TMEM117: variants seen among roughly 807,000 people sequenced by gnomAD.
The protein encoded by TMEM117 is transmembrane protein 117.
A neutral mutation model predicts 52.4 loss-of-function variants in TMEM117; 27 were observed. That is an observed-to-expected ratio of 0.51 (90% CI 0.38 to 0.71). TMEM117 has a LOEUF of 0.71. Among genes scored for constraint, TMEM117 ranks in the 30% least tolerant of loss-of-function variants. The pLI, the probability that TMEM117 is intolerant of heterozygous loss-of-function variation, is 0.00. For synonymous variants in TMEM117, 215 were observed against 206.3 expected (o/e 1.04, Z -0.36); for missense variants, 556 against 630.5 (o/e 0.88, Z 1.26).
At chr12:44,376,436 G>A (rs1434408470) in intron 6 of TMEM117, 159 bp from the exon 7 acceptor site, 4 of 830,146 alleles carry the variant, frequency 4.8e-6, no homozygotes, top group African/African-American at 1.7e-5. Context: ...GCTACCTAAT[G>A]TACATAAAAT....
intron 3 of TMEM117, among the ~76,000 whole-genome samples, chr12:44,127,641 A>G (rs976623761): frequency 6.6e-6 from 1 of 151,902 alleles, no homozygotes; most frequent in African/African-American, 2.4e-5. Context: ...GTGCCATTGC[A>G]CTCCAGCCTG....
chr12:44,076,905 G>C (rs1407201527), intron 3 of TMEM117, among the ~76,000 whole-genome samples: 2 of 152,150 alleles, frequency 1.3e-5, no homozygotes, highest in African/African-American at 4.8e-5. Flanking sequence ...CTATTGATTT[G>C]ACAGTTTGGG....
At chr12:44,040,014 T>A (rs994051445) in intron 3 of TMEM117, among the ~76,000 whole-genome samples, 1 of 152,160 alleles carries the variant, frequency 6.6e-6, no homozygotes, top group African/African-American at 2.4e-5. Flanking sequence ...AGTAAATGTT[T>A]AACAATAGGT....
intron 3 of TMEM117, among the ~76,000 whole-genome samples, chr12:43,972,394 T>C (rs1945603433): frequency 6.6e-6 from 1 of 152,134 alleles, no homozygotes; most frequent in South Asian, 2.1e-4. Context: ...GTGTTACAGC[T>C]CTTAAAGGTG....
chr12:43,839,253 C>G lies in TMEM117; in HGVS notation c.-29+3057C>G, dbSNP rs150058756. ...AAAATATTTTCAACCAGGAAACAGACAGGCCTTTCTGTCATATAAGTCAGA... is the reference window on the plus strand; with the variant it reads ...AAAATATTTTCAACCAGGAAACAGAGAGGCCTTTCTGTCATATAAGTCAGA... On this transcript the variant is annotated intron_variant, in intron 1 of 7. Coordinates refer to ENST00000266534, the MANE Select transcript of TMEM117 (RefSeq NM_032256.3). Among the ~76,000 whole-genome samples the G allele has an allele frequency of 1.9e-3, 287 of 152,240 alleles. 3 individuals are homozygous for G. The highest frequency in any genetic ancestry group is 6.5e-3 in the African/African-American group (272 of 41,530).
chr12:44,115,567 A>C (rs575962271), intron 3 of TMEM117, among the ~76,000 whole-genome samples: 1 of 151,880 alleles, frequency 6.6e-6, no homozygotes, highest in African/African-American at 2.4e-5. Flanking sequence ...AAGTCATATA[A>C]CTTGTTATTT....
intron 3 of TMEM117, among the ~76,000 whole-genome samples, chr12:44,121,308 T>C (rs1425478586): frequency 6.6e-6 from 1 of 152,138 alleles, no homozygotes; most frequent in East Asian, 1.9e-4. Flanking sequence ...ACCTAAAATC[T>C]GTAATAAATA....
Position 44,389,007 on chromosome 12 carries a change from T to C in TMEM117, c.*335T>C, listed in dbSNP as rs1359375694. The C allele has an allele frequency of 4.3e-6, 1 of 233,510 alleles. No homozygotes were observed. The highest frequency in any genetic ancestry group is 2.2e-5 in the African/African-American group (1 of 44,534). 14.5% of individuals were successfully genotyped at this position (233,510 alleles called of 1,614,324 possible). On this transcript the variant is annotated 3_prime_UTR_variant, in exon 8 of 8. Coordinates refer to ENST00000266534, the MANE Select transcript of TMEM117 (RefSeq NM_032256.3). ...CTTGAGACATTAAACTGTTTTTAAC[T>C]GTACCAGAAATGAAGTGTGGAACAG...
rs568941934 is a variant in TMEM117, at chr12:44,281,492, T to TGA, written c.609-18088_609-18087insGA. Among the ~76,000 whole-genome samples, 375 of 152,302 alleles carry TGA rather than the reference T, an allele frequency of 2.5e-3. 2 individuals carry two copies. The highest frequency in any genetic ancestry group is 6.8e-3 in the Middle Eastern group (2 of 294). On this transcript the variant is annotated intron_variant, in intron 5 of 7. Transcript: ENST00000266534. ...AGCCTTGATTTATGTAAACACTTTG[T>TGA]CTTCATCAAAGTCACAAAATTTTAT... is the stretch of plus-strand genomic sequence containing the variant.
intron 2 of TMEM117, among the ~76,000 whole-genome samples, chr12:43,909,938 C>G (rs901950579): frequency 1.5e-5 from 2 of 133,422 alleles, no homozygotes; most frequent in African/African-American, 5.2e-5. Context: ...GGTACCATTC[C>G]TTCTGAAACT....
intron 5 of TMEM117, among the ~76,000 whole-genome samples, chr12:44,255,335 A>G (rs993687789): frequency 6.6e-6 from 1 of 152,154 alleles, no homozygotes; most frequent in Non-Finnish European, 1.5e-5. Context: ...ATGAACAGAC[A>G]CTTCTCAAAA....
chr12:43,808,030 T>G, the TMEM117 span, among the ~76,000 whole-genome samples: 7 of 152,200 alleles, frequency 4.6e-5, no homozygotes, highest in African/African-American at 1.7e-4. Context: ...TTTTTTAACT[T>G]TAAGAGGTTT....
upstream of TMEM117, among the ~76,000 whole-genome samples, chr12:43,834,235 C>T (rs578054824): frequency 3.3e-5 from 5 of 152,092 alleles, no homozygotes; most frequent in African/African-American, 4.8e-5. Context: ...GCATATGGAA[C>T]CTTTGTTAAA....
At chr12:43,814,288 C>A in the TMEM117 span, among the ~76,000 whole-genome samples, 5 of 152,098 alleles carry the variant, frequency 3.3e-5, no homozygotes, top group East Asian at 9.6e-4. Context: ...AAAGAAGGGA[C>A]CACAGCAGCA....
At chr12:44,035,815 G>A (rs1946701483) in intron 3 of TMEM117, among the ~76,000 whole-genome samples, 1 of 152,150 alleles carries the variant, frequency 6.6e-6, no homozygotes, top group African/African-American at 2.4e-5. Context: ...GAGAGAATGG[G>A]ACCATGAATT....
intron 5 of TMEM117, among the ~76,000 whole-genome samples, chr12:44,292,795 G>GT (rs1950720906): frequency 6.6e-6 from 1 of 151,890 alleles, no homozygotes; most frequent in African/African-American, 2.4e-5. Context: ...CTGATTTCTG[G>GT]TTTCATACTA....
intron 6 of TMEM117, among the ~76,000 whole-genome samples, chr12:44,334,747 G>A: frequency 6.6e-6 from 1 of 151,864 alleles, no homozygotes; most frequent in East Asian, 1.9e-4. Context: ...ACGAGGAGTG[G>A]AATAGTGGCC....
At chr12:43,805,187 T>G in the TMEM117 span, among the ~76,000 whole-genome samples, 1 of 152,332 alleles carries the variant, frequency 6.6e-6, no homozygotes, top group South Asian at 2.1e-4. Flanking sequence ...CTAATTTCGT[T>G]CCTGTGTTGT....
chr12:43,961,474 A>G (rs576174776), intron 3 of TMEM117, among the ~76,000 whole-genome samples: 1 of 152,318 alleles, frequency 6.6e-6, no homozygotes, highest in South Asian at 2.1e-4. Flanking sequence ...AGATACTTAT[A>G]GAGTGAAATT....
Sources: gnomAD v4.1 joint callset for allele counts (sites outside exome capture counted in the v4.1 genomes callset) on GRCh38, gnomAD v4.1.1 for gene constraint, MANE v1.5 for transcripts, NCBI Gene and HGNC (gene_info 2026-07-23, HGNC 2026-07-21) for gene names.